Variants in FBLN1 observed in about 807,000 individuals in gnomAD.
FBLN1 encodes fibulin 1, also known as fibulin-1.
FBLN1 carries 34 observed loss-of-function variants against 89.7 expected under a neutral mutation model. That is an observed-to-expected ratio of 0.38 (90% confidence interval 0.29 to 0.50). The LOEUF (loss-of-function observed/expected upper bound fraction) is 0.50, where lower values mean the gene tolerates loss of function less well. Ranked by LOEUF, FBLN1 falls within the 20% of genes least tolerant of loss-of-function variation. The pLI is 0.92. For missense variants in FBLN1, 777 were observed against 988.1 expected (o/e 0.79, Z 2.86); for synonymous variants, 393 against 391.3 (o/e 1.00, Z -0.05).
intron 16 of FBLN1, among the ~76,000 whole-genome samples, chr22:45,584,610 C>T (rs1193957329): frequency 6.6e-6 from 1 of 152,138 alleles, no homozygotes; most frequent in Non-Finnish European, 1.5e-5. Flanking sequence ...ATTTGCCCTG[C>T]AGGGTAATAG....
intron 11 of FBLN1, among the ~76,000 whole-genome samples, chr22:45,544,658 G>C (rs571821386): frequency 6.6e-6 from 1 of 152,224 alleles, no homozygotes; most frequent in Admixed American, 6.5e-5. Context: ...ATCTTTCTCA[G>C]ACAGGCATGT....
chr22:45,525,461 G>T, intron 2 of FBLN1, 82 bp from the exon 3 acceptor site: 1 of 1,307,172 alleles, frequency 7.7e-7, no homozygotes. Flanking sequence ...GCTCAAAGGT[G>T]AGAGCACCCC....
rs2088925622 is a variant in FBLN1, at chr22:45,568,765, T to G, written c.1698-5746T>G. 7.0e-5 allele frequency among the ~76,000 whole-genome samples: 2 copies of G among 28,634 alleles called. 1 individual carries two copies. Among genetic ancestry groups the G allele is most frequent in the Non-Finnish European group, 1.5e-4 (2 of 13,784 alleles). The allele number at this position is 28,634 out of a possible 152,430, so 18.8% of individuals were successfully genotyped here. A position where few individuals can be genotyped will look rare whatever the true frequency, so the allele number is the denominator to read the frequency against. ...GGGACTTCTGTAGGGGAGTGCTCCT[T>G]CTGTAAGGGAATGCTCCTCCTGTAA... is the stretch of plus-strand genomic sequence containing the variant. On this transcript the variant is annotated intron_variant, in intron 14 of 16. Coordinates refer to ENST00000327858, the MANE Select transcript of FBLN1 (RefSeq NM_006486.3).
chr22:45,576,914 G>A lies in FBLN1; in HGVS notation c.1841-63G>A, dbSNP rs540501842. ...TCCCCAAGGGTGAGTTCCTGGGGAC[G>A]AGGCTGGGACTGGGGCTGGGGCCAG... On this transcript the variant is annotated intron_variant, in intron 15 of 16. Transcript: ENST00000327858. The surrounding 1 kb of genome is among the most constrained non-coding windows in gnomAD (Gnocchi z 5.2). 297 of 1,604,742 alleles carry A rather than the reference G, an allele frequency of 1.9e-4. No homozygotes were observed. Among genetic ancestry groups the A allele is most frequent in the Admixed American group, 2.7e-4 (16 of 59,874 alleles).
chr22:45,564,760 C>T (rs920570375), intron 14 of FBLN1: 4 of 1,182,452 alleles, frequency 3.4e-6, no homozygotes, highest in Admixed American at 4.0e-5. Context: ...CAGCTCCTTG[C>T]AAGACATCTC....
At chr22:45,506,977 G>A (rs898958390) in intron 1 of FBLN1, among the ~76,000 whole-genome samples, 15 of 152,318 alleles carry the variant, frequency 9.8e-5, no homozygotes, top group Admixed American at 6.5e-5. Flanking sequence ...GAATCCTTTC[G>A]TAGGCCCCAT....
chr22:45,503,982 T>G (rs1331683451), intron 1 of FBLN1, among the ~76,000 whole-genome samples: 1 of 152,102 alleles, frequency 6.6e-6, no homozygotes, highest in Non-Finnish European at 1.5e-5. Flanking sequence ...ACCTGTGACC[T>G]CTCTGCTGAC....
At chr22:45,582,008 T>C (rs1254513242) in intron 16 of FBLN1, among the ~76,000 whole-genome samples, 3 of 152,154 alleles carry the variant, frequency 2.0e-5, no homozygotes, top group Non-Finnish European at 4.4e-5. Context: ...CAGATCCCGC[T>C]GCTTTATTTA....
chr22:45,592,577 C>T (rs978699441), intron 16 of FBLN1, among the ~76,000 whole-genome samples: 14 of 152,350 alleles, frequency 9.2e-5, no homozygotes, highest in African/African-American at 2.6e-4. Flanking sequence ...ATCCACCCAC[C>T]TTGGCCTCCC....
At chr22:45,517,448 C>T (rs1023525008) in intron 1 of FBLN1, 8 of 428,184 alleles carry the variant, frequency 1.9e-5, no homozygotes, top group Admixed American at 7.8e-5. Flanking sequence ...GGAGGGTGCC[C>T]ACTGGGGCTG....
At chr22:45,515,557 C>T (rs1182631141) in intron 1 of FBLN1, among the ~76,000 whole-genome samples, 1 of 152,182 alleles carries the variant, frequency 6.6e-6, no homozygotes, top group African/African-American at 2.4e-5. Flanking sequence ...GGGAGCCTGC[C>T]CTTCCCTGTG....
chr22:45,583,015 C>G lies in FBLN1; in HGVS notation c.1972+5907C>G, dbSNP rs527956969. On this transcript the variant is annotated intron_variant, in intron 16 of 16. Transcript: ENST00000327858. The surrounding 1 kb of genome is among the most constrained non-coding windows in gnomAD (Gnocchi z 4.5). ...TGGAATCACCTGGTGCCTCCCTGTA[C>G]GTCCACCCACCCTGTGCCCAGATCC... Among the ~76,000 whole-genome samples, 5 of 152,308 alleles carry G rather than the reference C, an allele frequency of 3.3e-5. No homozygotes were observed. The highest frequency in any genetic ancestry group is 1.2e-4 in the African/African-American group (5 of 41,552).
rs966337955 is a variant in FBLN1, at chr22:45,573,110, C to T, written c.1698-1401C>T. ...GCATGATGGTGCATGCCTGTAATCC[C>T]AGCTACTTGGGAGGCTGAGGCAGGA... is the stretch of plus-strand genomic sequence containing the variant. On this transcript the variant is annotated intron_variant, in intron 14 of 16. Transcript: ENST00000327858. Among the ~76,000 whole-genome samples the T allele has an allele frequency of 4.6e-5, 7 of 152,062 alleles. 1 individual carries two copies. Among genetic ancestry groups the T allele is most frequent in the African/African-American group, 1.7e-4 (7 of 41,398 alleles).
Position 45,580,090 on chromosome 22 carries a change from A to G in FBLN1, c.1972+2982A>G, listed in dbSNP as rs2089030371. Among the ~76,000 whole-genome samples the G allele has an allele frequency of 6.6e-6, 1 of 152,000 alleles. No homozygotes were observed. The highest frequency in any genetic ancestry group is 1.5e-5 in the Non-Finnish European group (1 of 67,990). Reference sequence around the variant, plus strand: ...ATTGTCTCCCTTGGGCAAAGGAGGGAGCTGAGTTAAATGACCGCCTGAGAC... The same window carrying G: ...ATTGTCTCCCTTGGGCAAAGGAGGGGGCTGAGTTAAATGACCGCCTGAGAC... On this transcript the variant is annotated intron_variant, in intron 16 of 16. Coordinates refer to ENST00000327858, the MANE Select transcript of FBLN1 (RefSeq NM_006486.3). This position sits in a 1 kb window ranked among gnomAD's most constrained non-coding sequence, Gnocchi z 8.6.
At position 45,576,897 on chromosome 22, in the gene FBLN1, G is replaced by T; in HGVS notation, c.1841-80G>T. The T allele has an allele frequency of 6.4e-7, 1 of 1,557,014 alleles. No individual in the cohort carries two copies. On this transcript the variant is annotated intron_variant, in intron 15 of 16. Transcript: ENST00000327858. This position sits in a 1 kb window ranked among gnomAD's most constrained non-coding sequence, Gnocchi z 5.2. ...CTGGGTTAGGTCTTCATTCCCCAAGGGTGAGTTCCTGGGGACGAGGCTGGG... is the reference window on the plus strand; with the variant it reads ...CTGGGTTAGGTCTTCATTCCCCAAGTGTGAGTTCCTGGGGACGAGGCTGGG...
At chr22:45,547,252 C>T in intron 12 of FBLN1, 48 bp downstream of exon 12, 1 of 1,608,874 alleles carries the variant, frequency 6.2e-7, no homozygotes, top group Non-Finnish European at 8.5e-7. Context: ...CCTGGTCTTG[C>T]CATGACACAG....
intron 1 of FBLN1, among the ~76,000 whole-genome samples, chr22:45,513,313 T>C (rs1185513117): frequency 1.3e-5 from 2 of 151,818 alleles, no homozygotes; most frequent in African/African-American, 4.8e-5. Flanking sequence ...TTTCCTTTTT[T>C]TTTTTTTTTG....
intron 16 of FBLN1, among the ~76,000 whole-genome samples, chr22:45,587,552 T>G (rs1237711407): frequency 1.3e-5 from 2 of 152,206 alleles, no homozygotes; most frequent in African/African-American, 4.8e-5. Flanking sequence ...TTGTGGTCAC[T>G]GCTGTATCTC....
chr22:45,544,276 A>G (rs541945850), intron 11 of FBLN1, among the ~76,000 whole-genome samples: 54,404 of 151,794 alleles, frequency 0.36, 10,384 homozygotes, highest in Middle Eastern at 0.5. Flanking sequence ...TAGTAGAGAC[A>G]GGGTTTCCCC....
Sources: allele counts gnomAD v4.1 joint callset (sites outside exome capture counted in the v4.1 genomes callset), GRCh38; gene constraint gnomAD v4.1.1; non-coding constraint Gnocchi (gnomAD v3.1); transcripts MANE v1.5; gene names NCBI Gene and HGNC (gene_info 2026-07-23, HGNC 2026-07-21).